The following PTPRD variants were observed in gnomAD, a reference collection of about 807,000 sequenced individuals.
PTPRD encodes protein tyrosine phosphatase receptor type D, also known as receptor-type tyrosine-protein phosphatase delta.
A neutral mutation model predicts 214.5 loss-of-function variants in PTPRD; 34 were observed. The observed-to-expected ratio is 0.16, with a 90% CI of 0.12 to 0.21. PTPRD has a LOEUF of 0.21. Among genes scored for constraint, PTPRD ranks in the 10% least tolerant of loss-of-function variants. The pLI is 1.00. For missense variants in PTPRD, 2,545 were observed against 2,398.7 expected (o/e 1.06, Z -1.27); for synonymous variants, 1,128 against 845.7 (o/e 1.33, Z -5.79).
intron 11 of PTPRD, among the ~76,000 whole-genome samples, chr9:8,812,732 T>TG (rs1354501524): frequency 1.3e-5 from 2 of 151,776 alleles, no homozygotes; most frequent in Non-Finnish European, 2.9e-5. Context: ...GAGGACTCGG[T>TG]GGGGCTTGAA....
At chr9:10,264,557 T>C (rs1357678588) in intron 3 of PTPRD, among the ~76,000 whole-genome samples, 1 of 152,202 alleles carries the variant, frequency 6.6e-6, no homozygotes, top group African/African-American at 2.4e-5. Flanking sequence ...TTGGAACAGC[T>C]GTATTTACCC....
chr9:8,735,701 G>A (rs1234943643), intron 11 of PTPRD, among the ~76,000 whole-genome samples: 4 of 152,070 alleles, frequency 2.6e-5, no homozygotes, highest in Non-Finnish European at 5.9e-5. Context: ...CTTGAGGCCA[G>A]GAGTTCAAGA....
At chr9:10,161,660 C>G (rs1000255978) in intron 3 of PTPRD, among the ~76,000 whole-genome samples, 6 of 151,604 alleles carry the variant, frequency 4.0e-5, no homozygotes, top group Non-Finnish European at 7.4e-5. Context: ...TGTAAGACCA[C>G]AAAAGCAAGG....
chr9:9,568,531 T>G (rs2085314009), intron 8 of PTPRD, among the ~76,000 whole-genome samples: 1 of 151,878 alleles, frequency 6.6e-6, no homozygotes, highest in Admixed American at 6.6e-5. Context: ...TTTGCCCAAC[T>G]AGTGAACAGT....
chr9:10,215,596 A>G (rs1372310314), intron 3 of PTPRD, among the ~76,000 whole-genome samples: 1 of 152,068 alleles, frequency 6.6e-6, no homozygotes. Context: ...GATATTATCT[A>G]GTTATTTGCT....
At chr9:10,036,732 T>G (rs576013173) in intron 3 of PTPRD, among the ~76,000 whole-genome samples, 3 of 151,910 alleles carry the variant, frequency 2.0e-5, no homozygotes, top group Admixed American at 2.0e-4. Context: ...TACAGGCACG[T>G]GCCACCACAC....
At chr9:10,125,910 A>G (rs1476224874) in intron 3 of PTPRD, among the ~76,000 whole-genome samples, 2 of 152,168 alleles carry the variant, frequency 1.3e-5, no homozygotes. Context: ...GTCTAAAGAT[A>G]TGGTAATATA....
At chr9:10,558,026 C>T (rs943643110) in intron 2 of PTPRD, among the ~76,000 whole-genome samples, 1 of 152,110 alleles carries the variant, frequency 6.6e-6, no homozygotes, top group Non-Finnish European at 1.5e-5. Flanking sequence ...ATGGCCCCTG[C>T]ATTTTCATTT....
chr9:9,840,443 G>A (rs1018293574), intron 5 of PTPRD, among the ~76,000 whole-genome samples: 1 of 151,986 alleles, frequency 6.6e-6, no homozygotes, highest in Non-Finnish European at 1.5e-5. Flanking sequence ...TTTTCAGAGG[G>A]TATAAAACAA....
intron 11 of PTPRD, among the ~76,000 whole-genome samples, chr9:9,010,889 C>T (rs763602321): frequency 6.6e-6 from 1 of 152,040 alleles, no homozygotes; most frequent in South Asian, 2.1e-4. Context: ...AAATATTATC[C>T]GCTTATTGCA....
intron 12 of PTPRD, among the ~76,000 whole-genome samples, chr9:8,639,431 TA>T (rs138931781): frequency 0.069 from 10,436 of 152,168 alleles, 1,088 homozygotes; most frequent in African/African-American, 0.23. Flanking sequence ...GTCCATAGCC[TA>T]AAAACTGTCA....
chr9:10,350,831 G>A (rs901512346), intron 2 of PTPRD, among the ~76,000 whole-genome samples: 1 of 152,140 alleles, frequency 6.6e-6, no homozygotes, highest in East Asian at 1.9e-4. Context: ...TATTGAGCGT[G>A]GTGGGATACA....
intron 10 of PTPRD, among the ~76,000 whole-genome samples, chr9:9,130,754 A>G (rs1422703931): frequency 6.6e-6 from 1 of 152,062 alleles, no homozygotes; most frequent in Non-Finnish European, 1.5e-5. Flanking sequence ...GAAATCTTTG[A>G]TTGAGTGTAT....
chr9:9,020,498 G>A (rs1264219134), intron 10 of PTPRD, among the ~76,000 whole-genome samples: 1 of 152,156 alleles, frequency 6.6e-6, no homozygotes, highest in African/African-American at 2.4e-5. Context: ...GCTGGTTGAG[G>A]CATTGAATGT....
intron 3 of PTPRD, among the ~76,000 whole-genome samples, chr9:10,112,993 C>A (rs970747175): frequency 2.0e-5 from 3 of 152,176 alleles, no homozygotes; most frequent in Non-Finnish European, 2.9e-5. Flanking sequence ...TCATCCTGCC[C>A]AGACACAGGA....
At chr9:9,897,174 C>T (rs1374253859) in intron 5 of PTPRD, among the ~76,000 whole-genome samples, 2 of 150,296 alleles carry the variant, frequency 1.3e-5, no homozygotes, top group African/African-American at 2.5e-5. Flanking sequence ...CTGCTAAACA[C>T]CCCCTGGGGG....
chr9:10,448,419 G>A (rs900383417), intron 2 of PTPRD, among the ~76,000 whole-genome samples: 3 of 151,898 alleles, frequency 2.0e-5, no homozygotes, highest in Non-Finnish European at 4.4e-5. Context: ...CTCCTGCCCT[G>A]TCATATTAAT....
At chr9:8,342,808 T>G (rs1853760545) in intron 39 of PTPRD, among the ~76,000 whole-genome samples, 1 of 152,088 alleles carries the variant, frequency 6.6e-6, no homozygotes, top group South Asian at 2.1e-4. Context: ...GCTCAGAGTG[T>G]ATCGAAGGGA....
At chr9:10,244,525 C>T (rs1204029437) in intron 3 of PTPRD, among the ~76,000 whole-genome samples, 1 of 152,080 alleles carries the variant, frequency 6.6e-6, no homozygotes, top group Admixed American at 6.6e-5. Context: ...AAACAAATTT[C>T]ATTTTTTACA....
Sources: gnomAD v4.1 joint callset for allele counts (sites outside exome capture counted in the v4.1 genomes callset) on GRCh38, gnomAD v4.1.1 for gene constraint, MANE v1.5 for transcripts, NCBI Gene and HGNC (gene_info 2026-07-23, HGNC 2026-07-21) for gene names.